DIP2C: variants seen among roughly 807,000 people sequenced by gnomAD.
DIP2C encodes the protein disco-interacting protein 2 homolog C.
DIP2C carries 33 observed loss-of-function variants against 192.4 expected under a neutral mutation model. The ratio of observed to expected loss-of-function variants is 0.17; its 90% CI spans 0.13 to 0.23. The LOEUF is 0.23. Among genes scored for constraint, DIP2C ranks in the 10% least tolerant of loss-of-function variants. The pLI, the probability that DIP2C is intolerant of heterozygous loss-of-function variation, is 1.00. For synonymous variants in DIP2C, 979 were observed against 864.1 expected (o/e 1.13, Z -2.33); for missense variants, 1,537 against 2,110.1 (o/e 0.73, Z 5.32).
At chr10:608,184 CACACACACAGCCCCA>C (rs1292512746) in intron 1 of DIP2C, among the ~76,000 whole-genome samples, 1 of 52,418 alleles carries the variant, frequency 1.9e-5, no homozygotes, top group Non-Finnish European at 3.0e-5. Flanking sequence ...ACACACACCC[CACACACACAGCCCCA>C]ACACACACAC....
chr10:386,833 C>T (rs954129433), intron 14 of DIP2C, among the ~76,000 whole-genome samples: 1 of 152,092 alleles, frequency 6.6e-6, no homozygotes, highest in African/African-American at 2.4e-5. Context: ...TGAAAATTAC[C>T]ACATATGAAA....
In DIP2C at chr10:564,272, T is replaced by C. The variant is rs914387952; in HGVS notation, c.86-77742A>G. Among the ~76,000 whole-genome samples the C allele has an allele frequency of 5.9e-5, 9 of 151,980 alleles. No homozygotes were observed. In the South Asian group the frequency reaches 8.3e-4, roughly 14 times the overall value. Reference sequence around the variant, plus strand: ...TCTGGGTGAACGTCACTGGCTCTCTTGGACATAACCATCCTCATCTCCTTG... The same window carrying C: ...TCTGGGTGAACGTCACTGGCTCTCTCGGACATAACCATCCTCATCTCCTTG... On this transcript the variant is annotated intron_variant, in intron 1 of 36. Transcript: ENST00000280886.
At chr10:496,227 G>A (rs11252772) in intron 1 of DIP2C, among the ~76,000 whole-genome samples, 2,179 of 104,332 alleles carry the variant, frequency 0.021, 412 homozygotes, top group African/African-American at 0.1. Context: ...CCCAAACAAC[G>A]TGAGTGCTGA....
intron 2 of DIP2C, among the ~76,000 whole-genome samples, chr10:477,870 A>C (rs1249444230): frequency 2.9e-5 from 4 of 135,972 alleles, no homozygotes; most frequent in Non-Finnish European, 6.4e-5. Flanking sequence ...GGAAGCAGAG[A>C]GAAGAAAACG....
chr10:447,598 G>A (rs1445712626), intron 3 of DIP2C, among the ~76,000 whole-genome samples: 1 of 146,290 alleles, frequency 6.8e-6, no homozygotes, highest in Admixed American at 6.7e-5. Flanking sequence ...CACACAGTGG[G>A]GCAGCAGGAC....
chr10:689,062 C>T lies in DIP2C; in HGVS notation c.85+432G>A, dbSNP rs1831440711. On this transcript the variant is annotated intron_variant, in intron 1 of 36. Transcript: ENST00000280886. The surrounding 1 kb of genome is among the most constrained non-coding windows in gnomAD (Gnocchi z 6.1). ...CTGCTGCACCAAGGACGCCGCGGCT[C>T]CAGCGCAGAGCGCACGGGAAGGCCG... 6.6e-6 allele frequency among the ~76,000 whole-genome samples: 1 copy of T among 152,066 alleles called. No homozygotes were observed. The highest frequency in any genetic ancestry group is 6.5e-5 in the Admixed American group (1 of 15,278).
chr10:353,772 G>A (rs1413291318), intron 24 of DIP2C, among the ~76,000 whole-genome samples: 2 of 152,212 alleles, frequency 1.3e-5, no homozygotes, highest in Non-Finnish European at 2.9e-5. Flanking sequence ...GGAAGCAGCG[G>A]CTGGGGGGCT....
intron 1 of DIP2C, among the ~76,000 whole-genome samples, chr10:649,459 T>C (rs962048838): frequency 4.6e-5 from 7 of 152,374 alleles, no homozygotes; most frequent in Admixed American, 1.3e-4. Flanking sequence ...CCCCTTGACC[T>C]TCACGAATTT....
chr10:578,659 C>T (rs1009971817), intron 1 of DIP2C, among the ~76,000 whole-genome samples: 3 of 152,200 alleles, frequency 2.0e-5, no homozygotes, highest in Non-Finnish European at 4.4e-5. Flanking sequence ...GGGATCCCTG[C>T]AGGGGCCCTA....
intron 8 of DIP2C, 60 bp downstream of exon 8, chr10:413,853 C>A: frequency 2.6e-6 from 4 of 1,562,342 alleles, no homozygotes; most frequent in East Asian, 2.3e-5. Context: ...GAGTTTCCTG[C>A]GTTCGGGAGT....
chr10:369,713 G>A (rs746897056), intron 17 of DIP2C, 80 bp from the exon 18 acceptor site: 135 of 1,606,002 alleles, frequency 8.4e-5, no homozygotes, highest in Middle Eastern at 1.7e-4. Context: ...GCACACATGC[G>A]GCAGGCTGGG....
intron 14 of DIP2C, 86 bp from the exon 15 acceptor site, chr10:384,725 G>A (rs1482027615): frequency 4.0e-5 from 54 of 1,345,754 alleles, no homozygotes; most frequent in African/African-American, 8.6e-5. Flanking sequence ...ACACTAGGCC[G>A]CACGGGCAGG....
intron 30 of DIP2C, among the ~76,000 whole-genome samples, chr10:328,782 C>T (rs1301148097): frequency 1.3e-5 from 2 of 152,198 alleles, no homozygotes; most frequent in African/African-American, 2.4e-5. Flanking sequence ...GACATACACA[C>T]ATCCAAAGAG....
chr10:382,222 T>C (rs1200733002), intron 17 of DIP2C, among the ~76,000 whole-genome samples: 4 of 151,784 alleles, frequency 2.6e-5, no homozygotes, highest in Non-Finnish European at 5.9e-5. Context: ...AGACAGACAA[T>C]GAAAAAATAA....
chr10:512,489 C>T (rs183281919), intron 1 of DIP2C, among the ~76,000 whole-genome samples: 1 of 152,066 alleles, frequency 6.6e-6, no homozygotes, highest in East Asian at 1.9e-4. Flanking sequence ...GTGGGAGGAT[C>T]ACCTGAGAGG....
At chr10:314,285 G>A (rs772629866) in intron 31 of DIP2C, among the ~76,000 whole-genome samples, 1 of 152,168 alleles carries the variant, frequency 6.6e-6, no homozygotes. Flanking sequence ...CTTAAGCCCT[G>A]TAACAATTTC....
Position 564,949 on chromosome 10 carries a change from C to T in DIP2C, c.86-78419G>A, listed in dbSNP as rs2131487721. Reference sequence around the variant, plus strand: ...CCTTTACAATAAATCCAAGCAAAACCACATTAGAACTCAGTGAGTTTAACA... The same window carrying T: ...CCTTTACAATAAATCCAAGCAAAACTACATTAGAACTCAGTGAGTTTAACA... On this transcript the variant is annotated intron_variant, in intron 1 of 36. Coordinates refer to ENST00000280886, the MANE Select transcript of DIP2C (RefSeq NM_014974.3). 1.3e-5 allele frequency among the ~76,000 whole-genome samples: 2 copies of T among 152,288 alleles called. 1 individual carries two copies. The highest frequency in any genetic ancestry group is 4.1e-4 in the South Asian group (2 of 4,828).
At chr10:499,923 G>A (rs1352487101) in intron 1 of DIP2C, among the ~76,000 whole-genome samples, 3 of 152,212 alleles carry the variant, frequency 2.0e-5, no homozygotes, top group African/African-American at 4.8e-5. Flanking sequence ...CCTAGGTGCT[G>A]ACTAGGACTT....
intron 3 of DIP2C, among the ~76,000 whole-genome samples, chr10:450,603 C>T (rs1197242937): frequency 2.0e-5 from 3 of 152,206 alleles, no homozygotes; most frequent in Non-Finnish European, 2.9e-5. Flanking sequence ...GATCAGCTGT[C>T]TACTAGCAGC....
Sources: allele counts gnomAD v4.1 joint callset (sites outside exome capture counted in the v4.1 genomes callset), GRCh38; gene constraint gnomAD v4.1.1; non-coding constraint Gnocchi (gnomAD v3.1); transcripts MANE v1.5; gene names NCBI Gene and HGNC (gene_info 2026-07-23, HGNC 2026-07-21).